PTK2: variants seen among roughly 807,000 people sequenced by gnomAD.
PTK2 encodes focal adhesion kinase 1.
PTK2 carries 45 observed loss-of-function variants against 150.1 expected under a neutral mutation model. The ratio of observed to expected loss-of-function variants is 0.30; its 90% CI spans 0.24 to 0.38. The LOEUF is 0.38. Ranked by LOEUF, PTK2 falls within the 10% of genes least tolerant of loss-of-function variation. PTK2 has a pLI of 1.00. For missense variants in PTK2, 919 were observed against 1,307.3 expected, an observed-to-expected ratio of 0.70 and a Z score of 4.58; for synonymous variants, 432 against 449.2, an observed-to-expected ratio of 0.96 and a Z score of 0.48.
intron 14 of PTK2, among the ~76,000 whole-genome samples, chr8:140,777,081 A>G (rs897568806): frequency 5.9e-5 from 9 of 152,340 alleles, no homozygotes; most frequent in African/African-American, 1.2e-4. Flanking sequence ...GTGATGTGCT[A>G]ATGAAACCAG....
chr8:140,790,500 ACACATGAGGT>A (rs1036063621), intron 13 of PTK2, among the ~76,000 whole-genome samples: 7 of 152,248 alleles, frequency 4.6e-5, no homozygotes, highest in African/African-American at 1.7e-4. Flanking sequence ...GCAACCTGTT[ACACATGAGGT>A]CACATGAGGT....
intron 2 of PTK2, chr8:140,909,771 C>G (rs1260394020): frequency 6.6e-6 from 1 of 152,186 alleles, no homozygotes; most frequent in Non-Finnish European, 1.5e-5. Flanking sequence ...TAGGAATATT[C>G]TTTAAACAGA....
intron 1 of PTK2, among the ~76,000 whole-genome samples, chr8:140,956,565 A>G (rs2100181287): frequency 6.6e-6 from 1 of 152,204 alleles, no homozygotes; most frequent in Non-Finnish European, 1.5e-5. Context: ...GACAACTGTA[A>G]AACAGCTCAG....
chr8:140,794,864 T>C (rs780208960), intron 12 of PTK2, among the ~76,000 whole-genome samples: 2 of 152,188 alleles, frequency 1.3e-5, no homozygotes, highest in African/African-American at 2.4e-5. Context: ...ACCTCTCCCC[T>C]GACCTGAACT....
intron 1 of PTK2, among the ~76,000 whole-genome samples, chr8:140,978,115 G>A (rs2100189982): frequency 6.6e-6 from 1 of 152,088 alleles, no homozygotes; most frequent in African/African-American, 2.4e-5. Flanking sequence ...AACTCAACAT[G>A]GATTAAAGAC....
intron 2 of PTK2, among the ~76,000 whole-genome samples, chr8:140,896,772 C>A (rs1005637421): frequency 7.4e-6 from 1 of 135,708 alleles, no homozygotes; most frequent in Non-Finnish European, 1.6e-5. Flanking sequence ...GACGCCCCCC[C>A]TTCCCCCCAA....
At chr8:140,729,899 C>G (rs1031362920) in intron 22 of PTK2, among the ~76,000 whole-genome samples, 6 of 152,146 alleles carry the variant, frequency 3.9e-5, no homozygotes, top group African/African-American at 1.4e-4. Context: ...TCATCGTAAA[C>G]TAACGATGAA....
chr8:140,781,329 A>G lies in PTK2; in HGVS notation c.1177+8145T>C, dbSNP rs569028215. Reference sequence around the variant, plus strand: ...AAAAAGATTGAGAAGTTTATTAATTATTGTTAATAAGTTTCGCCAGAGGAT... The same window carrying G: ...AAAAAGATTGAGAAGTTTATTAATTGTTGTTAATAAGTTTCGCCAGAGGAT... On this transcript the variant is annotated intron_variant, in intron 14 of 31. Transcript: ENST00000522684. Among the ~76,000 whole-genome samples, 5 of 152,338 alleles carry G rather than the reference A, an allele frequency of 3.3e-5. No homozygotes were observed. The South Asian group carries it at 8.3e-4, about 25-fold the overall frequency.
chr8:140,835,711 T>C (rs2100118305), intron 7 of PTK2, among the ~76,000 whole-genome samples: 1 of 152,184 alleles, frequency 6.6e-6, no homozygotes. Context: ...TAAGGGAAAG[T>C]ATTAAACAGC....
chr8:140,902,924 GTT>G (rs61261890), intron 2 of PTK2, among the ~76,000 whole-genome samples: 20,336 of 59,432 alleles, frequency 0.34, 2,408 homozygotes, highest in East Asian at 0.5. Flanking sequence ...GATGAGAGTT[GTT>G]TTTTTTTTTT....
rs773163525 is a variant in PTK2, at chr8:140,706,209, T to C, written c.2143-4A>G. On this transcript the variant is annotated splice_polypyrimidine_tract_variant and splice_region_variant and intron_variant, in intron 23 of 31. Coordinates refer to ENST00000522684, the Ensembl canonical transcript of PTK2. The stretch of plus-strand genomic sequence containing the variant: ...TGGGATAACCCGGTCTGCTGGGCTG[T>C]AAAATCAAGAGAGCATCATATGAAT... The C allele has an allele frequency of 3.7e-6, 6 of 1,608,418 alleles. No homozygotes were observed. Among genetic ancestry groups the C allele is most frequent in the Admixed American group, 1.7e-5 (1 of 59,996 alleles).
chr8:140,898,035 C>T (rs181580491), intron 2 of PTK2, among the ~76,000 whole-genome samples: 9 of 152,154 alleles, frequency 5.9e-5, no homozygotes, highest in African/African-American at 1.2e-4. Flanking sequence ...ACTGTTTTTA[C>T]GTGGCTTAGG....
chr8:140,987,158 A>C (rs1482367098), intron 1 of PTK2, among the ~76,000 whole-genome samples: 2 of 152,214 alleles, frequency 1.3e-5, no homozygotes, highest in East Asian at 3.9e-4. Context: ...CTCAAAACCC[A>C]AAAAAATGGA....
At chr8:140,797,643 A>C (rs2100092526) in intron 12 of PTK2, among the ~76,000 whole-genome samples, 2 of 152,174 alleles carry the variant, frequency 1.3e-5, no homozygotes, top group African/African-American at 4.8e-5. Flanking sequence ...ATGTTACTAC[A>C]GAATTTTACT....
intron 16 of PTK2, among the ~76,000 whole-genome samples, chr8:140,753,408 T>C (rs1157907861): frequency 6.6e-6 from 1 of 152,008 alleles, no homozygotes; most frequent in East Asian, 1.9e-4. Flanking sequence ...GTCACACAGG[T>C]GAAGTGACCA....
intron 21 of PTK2, 24 bp downstream of exon 24, chr8:140,738,994 T>A: frequency 7.0e-7 from 1 of 1,436,166 alleles, no homozygotes; most frequent in Non-Finnish European, 9.3e-7. Context: ...TTTTAAAGAA[T>A]ACAAAACTTT....
At chr8:140,929,206 C>T (rs1398956556) in intron 1 of PTK2, among the ~76,000 whole-genome samples, 1 of 151,544 alleles carries the variant, frequency 6.6e-6, no homozygotes, top group Non-Finnish European at 1.5e-5. Flanking sequence ...ACCTCGTGAT[C>T]CGCCCGCCTC....
intron 3 of PTK2, 102 bp from the exon 4 acceptor site, chr8:140,879,739 A>C: frequency 2.5e-5 from 26 of 1,046,854 alleles, no homozygotes; most frequent in East Asian, 8.9e-5. Context: ...AAAAAACTAT[A>C]TGCTAAAAAG....
chr8:140,892,166 T>C (rs969861649), intron 2 of PTK2, among the ~76,000 whole-genome samples: 19 of 152,020 alleles, frequency 1.2e-4, no homozygotes, highest in Non-Finnish European at 2.1e-4. Flanking sequence ...TGTGACTGCA[T>C]TGCTGCACTT....
Sources: allele counts gnomAD v4.1 joint callset (sites outside exome capture counted in the v4.1 genomes callset), GRCh38; gene constraint gnomAD v4.1.1; transcripts MANE v1.5; gene names NCBI Gene and HGNC (gene_info 2026-07-23, HGNC 2026-07-21).